ZNF385D: variants seen among roughly 807,000 people sequenced by gnomAD.
ZNF385D encodes zinc finger protein 385D.
ZNF385D carries 15 observed loss-of-function variants against 35.8 expected under a neutral mutation model. The ratio of observed to expected loss-of-function variants is 0.42; its 90% confidence interval spans 0.28 to 0.64. ZNF385D has a LOEUF of 0.64. Ranked by LOEUF, ZNF385D falls within the 30% of genes least tolerant of loss-of-function variation. The pLI is 0.23. For missense variants in ZNF385D, 474 were observed against 494.6 expected (o/e 0.96, Z 0.39); for synonymous variants, 212 against 186.8 (o/e 1.13, Z -1.10).
chr3:21,463,259 T>C (rs1199188291), intron 4 of ZNF385D, among the ~76,000 whole-genome samples: 1 of 152,022 alleles, frequency 6.6e-6, no homozygotes, highest in Non-Finnish European at 1.5e-5. Flanking sequence ...ACATTCAATA[T>C]GATGTGGCTT....
chr3:21,938,410 G>A (rs6550634), intron 3 of ZNF385D, among the ~76,000 whole-genome samples: 62,927 of 151,894 alleles, frequency 0.41, 13,805 homozygotes, highest in Non-Finnish European at 0.5. Context: ...GGCGGGCAGA[G>A]ATTGGAGAGA....
intron 3 of ZNF385D, among the ~76,000 whole-genome samples, chr3:22,106,509 T>C (rs779180): frequency 0.55 from 82,927 of 151,916 alleles, 23,241 homozygotes; most frequent in African/African-American, 0.61. Flanking sequence ...CTGGAAAAGG[T>C]TTGCTGTCTT....
rs545784091 is a variant in ZNF385D, at chr3:22,001,920, T to C, written c.325+166897A>G. On this transcript the variant is annotated intron_variant, in intron 3 of 5. Transcript: ENST00000494108. The stretch of plus-strand genomic sequence containing the variant: ...AAATTAAAATGGAAATATAACATAC[T>C]AAATCCTATGCAATACAACAAAAGC... Among the ~76,000 whole-genome samples the C allele has an allele frequency of 5.4e-4, 82 of 152,002 alleles. 1 individual carries two copies. The highest frequency in any genetic ancestry group is 1.9e-3 in the African/African-American group (79 of 41,512).
At chr3:21,623,848 G>A (rs116817595) in intron 2 of ZNF385D, among the ~76,000 whole-genome samples, 5 of 152,054 alleles carry the variant, frequency 3.3e-5, no homozygotes, top group Non-Finnish European at 7.4e-5. Context: ...TATTTGAGCT[G>A]AAGATTCTCT....
chr3:21,526,684 G>A (rs1708244288), intron 3 of ZNF385D, among the ~76,000 whole-genome samples: 1 of 152,134 alleles, frequency 6.6e-6, no homozygotes, highest in South Asian at 2.1e-4. Flanking sequence ...TTCGCAACAT[G>A]TATATTATTG....
chr3:21,602,578 TGC>T (rs2064341323), intron 2 of ZNF385D, among the ~76,000 whole-genome samples: 1 of 134,972 alleles, frequency 7.4e-6, no homozygotes, highest in Admixed American at 7.5e-5. Flanking sequence ...CAGGCCGGAC[TGC>T]GGACTGCAGT....
intron 1 of ZNF385D, among the ~76,000 whole-genome samples, chr3:21,684,165 C>T (rs1012093523): frequency 6.7e-6 from 1 of 149,534 alleles, no homozygotes; most frequent in Non-Finnish European, 1.5e-5. Context: ...TCTCCTGTAA[C>T]AACTTTCAAG....
intron 1 of ZNF385D, among the ~76,000 whole-genome samples, chr3:21,699,504 ATAAAG>A (rs902098059): frequency 1.3e-5 from 2 of 152,168 alleles, no homozygotes; most frequent in Non-Finnish European, 2.9e-5. Flanking sequence ...AAAAAATGAA[ATAAAG>A]TAATTTAAAT....
At chr3:21,830,173 T>TA (rs913495484) in intron 3 of ZNF385D, among the ~76,000 whole-genome samples, 1 of 152,170 alleles carries the variant, frequency 6.6e-6, no homozygotes, top group Non-Finnish European at 1.5e-5. Flanking sequence ...GACTTGCATT[T>TA]AAGCTTCTAA....
At chr3:21,934,094 C>T (rs569623347) in intron 3 of ZNF385D, among the ~76,000 whole-genome samples, 4 of 151,858 alleles carry the variant, frequency 2.6e-5, no homozygotes, top group Non-Finnish European at 5.9e-5. Flanking sequence ...AAAAGAGAAT[C>T]GAGCATGCTT....
At chr3:22,048,116 C>G (rs1334443481) in intron 3 of ZNF385D, among the ~76,000 whole-genome samples, 1 of 151,886 alleles carries the variant, frequency 6.6e-6, no homozygotes. Flanking sequence ...GAATTGAGTT[C>G]CATATATATT....
chr3:21,922,626 T>C (rs557152536), intron 3 of ZNF385D, among the ~76,000 whole-genome samples: 1 of 152,182 alleles, frequency 6.6e-6, no homozygotes, highest in East Asian at 1.9e-4. Flanking sequence ...TTACCACACA[T>C]GAAAGTTATC....
At chr3:22,322,560 G>C (rs906301892) in intron 2 of ZNF385D, among the ~76,000 whole-genome samples, 1 of 152,074 alleles carries the variant, frequency 6.6e-6, no homozygotes, top group African/African-American at 2.4e-5. Flanking sequence ...CACCGACCCA[G>C]CCCTTTTAAC....
intron 3 of ZNF385D, among the ~76,000 whole-genome samples, chr3:22,100,125 A>C (rs1701851890): frequency 6.9e-6 from 1 of 145,848 alleles, no homozygotes; most frequent in African/African-American, 2.6e-5. Flanking sequence ...AATCAAAACC[A>C]CAATGAGATA....
chr3:21,477,522 A>G (rs1704333460), intron 4 of ZNF385D, among the ~76,000 whole-genome samples: 1 of 152,076 alleles, frequency 6.6e-6, no homozygotes. Context: ...TCCCTAACAT[A>G]CTGTTTTGTT....
chr3:21,510,822 C>T (rs751583051), intron 4 of ZNF385D, 39 bp downstream of exon 4: 38 of 1,608,830 alleles, frequency 2.4e-5, no homozygotes, highest in Middle Eastern at 1.7e-4. Context: ...TCCCCAACGA[C>T]GACGACGAGG....
At chr3:21,542,895 A>G (rs949538223) in intron 3 of ZNF385D, 2 of 152,416 alleles carry the variant, frequency 1.3e-5, no homozygotes, top group African/African-American at 4.8e-5. Flanking sequence ...CTCCAAACCT[A>G]AATTTTCCTG....
intron 3 of ZNF385D, among the ~76,000 whole-genome samples, chr3:22,062,552 A>C (rs1699745954): frequency 6.6e-6 from 1 of 152,206 alleles, no homozygotes; most frequent in Non-Finnish European, 1.5e-5. Context: ...TTGAAAAGTA[A>C]CCATACATGC....
At chr3:21,919,337 T>C (rs1222681662) in intron 3 of ZNF385D, among the ~76,000 whole-genome samples, 2 of 152,204 alleles carry the variant, frequency 1.3e-5, no homozygotes, top group Non-Finnish European at 2.9e-5. Context: ...ACAATGACAA[T>C]TATAATGCAC....
Sources: gnomAD v4.1 joint callset for allele counts (sites outside exome capture counted in the v4.1 genomes callset) on GRCh38, gnomAD v4.1.1 for gene constraint, MANE v1.5 for transcripts, NCBI Gene and HGNC (gene_info 2026-07-23, HGNC 2026-07-21) for gene names.